PLEKHA8: variants seen among roughly 807,000 people sequenced by gnomAD.
The protein encoded by PLEKHA8 is pleckstrin homology domain-containing family A member 8.
In PLEKHA8, 36 loss-of-function variants were observed where a neutral mutation model predicts 68.2. The ratio of observed to expected loss-of-function variants is 0.53; its 90% confidence interval spans 0.40 to 0.70. The LOEUF (loss-of-function observed/expected upper bound fraction) is 0.70. Among genes scored for constraint, PLEKHA8 ranks in the 30% least tolerant of loss-of-function variants. PLEKHA8 has a pLI of 0.00. For synonymous variants in PLEKHA8, 211 were observed against 216.1 expected (o/e 0.98, Z 0.20); for missense variants, 505 against 615.4 (o/e 0.82, Z 1.90).
At chr7:30,031,114 C>A (rs1790630725) in intron 1 of PLEKHA8, among the ~76,000 whole-genome samples, 1 of 152,136 alleles carries the variant, frequency 6.6e-6, no homozygotes, top group African/African-American at 2.4e-5. Context: ...TCTTTTGAAT[C>A]CTTAGGGGAT....
intron 4 of PLEKHA8, among the ~76,000 whole-genome samples, chr7:30,048,485 T>C (rs2127974692): frequency 6.6e-6 from 1 of 152,334 alleles, no homozygotes; most frequent in South Asian, 2.1e-4. Flanking sequence ...AGACACAGCT[T>C]TTTTTCTCTT....
At chr7:30,062,248 A>G (rs1046596997) in intron 11 of PLEKHA8, among the ~76,000 whole-genome samples, 1 of 152,108 alleles carries the variant, frequency 6.6e-6, no homozygotes, top group Admixed American at 6.6e-5. Context: ...TAGGAATCTT[A>G]AAGGCATTAA....
chr7:30,043,338 A>G (rs781298924), intron 1 of PLEKHA8, among the ~76,000 whole-genome samples: 8 of 152,166 alleles, frequency 5.3e-5, no homozygotes, highest in Non-Finnish European at 1.0e-4. Flanking sequence ...GTTCATCCCA[A>G]GAAGTTTGCC....
At chr7:30,036,202 G>T (rs1158199642) in intron 1 of PLEKHA8, among the ~76,000 whole-genome samples, 1 of 151,944 alleles carries the variant, frequency 6.6e-6, no homozygotes, top group Non-Finnish European at 1.5e-5. Context: ...GTTGCAGTGA[G>T]CTAAGGGGTT....
chr7:30,067,539 G>A (rs898256809), intron 12 of PLEKHA8, among the ~76,000 whole-genome samples: 2 of 152,150 alleles, frequency 1.3e-5, no homozygotes, highest in Non-Finnish European at 2.9e-5. Context: ...GAAAAAAATA[G>A]TTCAATACAG....
At chr7:30,069,428 A>G (rs538485484) in intron 12 of PLEKHA8, among the ~76,000 whole-genome samples, 3 of 152,348 alleles carry the variant, frequency 2.0e-5, no homozygotes, top group African/African-American at 4.8e-5. Flanking sequence ...TTTACCAATT[A>G]TAGGTTTACA....
chr7:30,078,878 T>C lies in PLEKHA8; in HGVS notation c.*91T>C. ...ATTTCCAGCAACAGCCTCAACCCTC[T>C]CCAACCCCTTCACCTGGGGGGATGG... is the stretch of plus-strand genomic sequence containing the variant. On this transcript the variant is annotated 3_prime_UTR_variant, in exon 14 of 14. Transcript: ENST00000449726. 1 of 1,482,950 alleles carries C rather than the reference T, an allele frequency of 6.7e-7. No homozygotes were observed. Among genetic ancestry groups the C allele is most frequent in the Non-Finnish European group, 8.9e-7 (1 of 1,117,372 alleles). The allele number at this position is 1,482,950 out of a possible 1,614,324, so 91.9% of individuals were successfully genotyped here. A position where few individuals can be genotyped will look rare whatever the true frequency, so the allele number is the denominator to read the frequency against.
At position 30,052,832 on chromosome 7, in the gene PLEKHA8, A is replaced by G; in HGVS notation, c.762A>G (p.Ile254Met). Residue 254 changes from isoleucine to methionine, a missense_variant, in exon 7 of 14, where the codon ATA (isoleucine) becomes ATG (methionine). Transcript: ENST00000449726. ...AATCTGCAGAGATAGACTGCAGCAT[A>G]TCAAGTGAGGAAAATACAGATGATA... ...YLKSAEIDCS[I>M]SSEENTDDNI... 6.3e-7 allele frequency: 1 copy of G among 1,578,376 alleles called. No homozygotes were observed. The highest frequency in any genetic ancestry group is 8.5e-7 in the Non-Finnish European group (1 of 1,170,312).
chr7:30,073,982 T>A lies in PLEKHA8; in HGVS notation c.1301-89T>A, dbSNP rs373620881. ...GCCTAGGTGACAGAGCAAGACCCTG[T>A]CTCTTTAAAAAAAAAAAAAGTACAT... On this transcript the variant is annotated intron_variant, in intron 12 of 13. Transcript: ENST00000449726. 2,198 of 1,089,562 alleles carry A rather than the reference T, an allele frequency of 2.0e-3. 39 individuals are homozygous for A. In the African/African-American group the frequency reaches 0.033, roughly 16 times the overall value. 67.5% of individuals were successfully genotyped at this position (1,089,562 alleles called of 1,614,324 possible).
intron 13 of PLEKHA8, among the ~76,000 whole-genome samples, chr7:30,124,589 A>G (rs1247083035): frequency 6.6e-6 from 1 of 152,184 alleles, no homozygotes; most frequent in Non-Finnish European, 1.5e-5. Context: ...TAATGCTTTC[A>G]CCGACAATGT....
rs1300453228 is a variant in PLEKHA8 at position 30,028,713 on chromosome 7, C to T, written c.-50C>T. 1.1e-5 allele frequency: 14 copies of T among 1,221,550 alleles called. 1 individual carries two copies. The South Asian group carries it at 3.7e-4, about 33-fold the overall frequency. 75.7% of individuals were successfully genotyped at this position (1,221,550 alleles called of 1,614,324 possible). ...GCTGGTGCTCCTCGCCTCTTGGGGCCTGGGGCAGTGAGGGGGCCGGCGGGC... is the reference window on the plus strand; with the variant it reads ...GCTGGTGCTCCTCGCCTCTTGGGGCTTGGGGCAGTGAGGGGGCCGGCGGGC... On this transcript the variant is annotated 5_prime_UTR_variant, in exon 1 of 14. Transcript: ENST00000449726.
chr7:30,091,336 G>T (rs1795407946), downstream of PLEKHA8, among the ~76,000 whole-genome samples: 1 of 151,720 alleles, frequency 6.6e-6, no homozygotes, highest in African/African-American at 2.4e-5. Flanking sequence ...TTTAATGGAG[G>T]ATGGGAGGTG....
chr7:30,062,616 C>A, intron 11 of PLEKHA8, 56 bp from the exon 12 acceptor site: 1 of 1,287,446 alleles, frequency 7.8e-7, no homozygotes, highest in Non-Finnish European at 1.1e-6. Context: ...TTTCTTTATA[C>A]CCACTCAACA....
downstream of PLEKHA8, among the ~76,000 whole-genome samples, chr7:30,087,730 C>G (rs1480418555): frequency 6.6e-6 from 1 of 152,130 alleles, no homozygotes; most frequent in East Asian, 1.9e-4. Context: ...GCTTTAAGTC[C>G]CTTCACAAAC....
intron 9 of PLEKHA8, among the ~76,000 whole-genome samples, chr7:30,056,091 T>C (rs1189780013): frequency 1.3e-5 from 2 of 150,708 alleles, no homozygotes; most frequent in African/African-American, 2.4e-5. Flanking sequence ...TTCAGGTGCC[T>C]GCCACCACAC....
In PLEKHA8 at chr7:30,084,636, CTT is replaced by C; in HGVS notation, c.*5850_*5851del. The C allele has an allele frequency of 1.1e-6, 1 of 922,730 alleles. No homozygotes were observed. The highest frequency in any genetic ancestry group is 1.3e-6 in the Non-Finnish European group (1 of 773,170). 57.2% of individuals were successfully genotyped at this position (922,730 alleles called of 1,614,324 possible). ...TTTTATATTCGTTAGTTATAATAAA[CTT>C]ATTTTTAAAGTATTAAGTTCTTAAA... On this transcript the variant is annotated 3_prime_UTR_variant, in exon 14 of 14. Coordinates refer to ENST00000449726, the MANE Select transcript of PLEKHA8 (RefSeq NM_001197026.2).
At chr7:30,115,128 T>C (rs2128019477) in intron 13 of PLEKHA8, among the ~76,000 whole-genome samples, 1 of 152,310 alleles carries the variant, frequency 6.6e-6, no homozygotes, top group African/African-American at 2.4e-5. Flanking sequence ...ACTTCCTTTC[T>C]CTGTTGCCAG....
intron 13 of PLEKHA8, among the ~76,000 whole-genome samples, chr7:30,110,757 T>G (rs989102535): frequency 3.3e-5 from 5 of 152,248 alleles, no homozygotes; most frequent in South Asian, 4.1e-4. Context: ...GAAGTAGATA[T>G]CTCATCATGG....
At chr7:30,039,824 C>CT (rs796782428) in intron 1 of PLEKHA8, among the ~76,000 whole-genome samples, 17 of 152,014 alleles carry the variant, frequency 1.1e-4, no homozygotes, top group African/African-American at 4.1e-4. Context: ...CACTTATTGA[C>CT]TAAGAGCTAG....
Sources: allele counts gnomAD v4.1 joint callset (sites outside exome capture counted in the v4.1 genomes callset), GRCh38; gene constraint gnomAD v4.1.1; transcripts MANE v1.5; gene names NCBI Gene and HGNC (gene_info 2026-07-23, HGNC 2026-07-21).